TEAD1: variants seen among roughly 807,000 people sequenced by gnomAD.
TEAD1 encodes TEA domain transcription factor 1, also known as transcriptional enhancer factor TEF-1.
Under a neutral mutation model 54.9 loss-of-function variants are expected in TEAD1, and 9 were observed. The ratio of observed to expected loss-of-function variants is 0.16; its 90% CI spans 0.10 to 0.29. TEAD1 has a LOEUF of 0.29. TEAD1 is among the 10% of genes least tolerant of loss of function. The probability of loss-of-function intolerance (pLI) is 1.00; values close to 1 mark genes in which losing one functional copy is unlikely to be tolerated. For missense variants in TEAD1, 387 were observed against 535.9 expected (o/e 0.72, Z 2.74); for synonymous variants, 200 against 187.8 (o/e 1.07, Z -0.53).
intron 3 of TEAD1, among the ~76,000 whole-genome samples, chr11:12,765,659 G>A (rs1009367505): frequency 6.6e-6 from 1 of 152,074 alleles, no homozygotes; most frequent in African/African-American, 2.4e-5. Flanking sequence ...CAACTTGGAT[G>A]ATGTAATGGA....
At chr11:12,802,905 C>T (rs1946090730) in intron 3 of TEAD1, among the ~76,000 whole-genome samples, 2 of 152,154 alleles carry the variant, frequency 1.3e-5, no homozygotes, top group Admixed American at 1.3e-4. Context: ...TAGCTTATCA[C>T]ACTGTTTACC....
At chr11:12,810,365 T>C (rs1210538507) in intron 3 of TEAD1, among the ~76,000 whole-genome samples, 5 of 152,120 alleles carry the variant, frequency 3.3e-5, no homozygotes, top group African/African-American at 4.8e-5. Context: ...TGTCCGGATG[T>C]ATGGACGCTG....
chr11:12,876,035 AC>A (rs1256714232), intron 5 of TEAD1, among the ~76,000 whole-genome samples: 41 of 152,140 alleles, frequency 2.7e-4, no homozygotes, highest in African/African-American at 9.9e-4. Context: ...GTCTCCGGAC[AC>A]CCCAGTGGGT....
intron 3 of TEAD1, among the ~76,000 whole-genome samples, chr11:12,776,170 G>A (rs1256748788): frequency 2.6e-5 from 4 of 152,164 alleles, no homozygotes; most frequent in Non-Finnish European, 4.4e-5. Context: ...ACATTGGTCC[G>A]GGACTTCAAC....
At chr11:12,760,824 T>G (rs1366576674) in intron 2 of TEAD1, among the ~76,000 whole-genome samples, 4 of 151,928 alleles carry the variant, frequency 2.6e-5, no homozygotes, top group African/African-American at 9.7e-5. Context: ...GGGGATGGAG[T>G]GCCAGGATGG....
intron 3 of TEAD1, among the ~76,000 whole-genome samples, chr11:12,775,318 C>T (rs1945395449): frequency 6.6e-6 from 1 of 152,150 alleles, no homozygotes; most frequent in African/African-American, 2.4e-5. Flanking sequence ...AGGCCTCCCT[C>T]ACAGTGGCCC....
chr11:12,770,076 A>T (rs140668958), intron 3 of TEAD1, among the ~76,000 whole-genome samples: 77 of 152,312 alleles, frequency 5.1e-4, no homozygotes, highest in African/African-American at 1.6e-3. Flanking sequence ...AGTTGAAGAG[A>T]TAGAAAAGAT....
chr11:12,685,205 T>G (rs976417617), intron 2 of TEAD1, among the ~76,000 whole-genome samples: 2 of 152,238 alleles, frequency 1.3e-5, no homozygotes, highest in African/African-American at 4.8e-5. Context: ...ACATGTGTGC[T>G]AATTAATCTG....
intron 3 of TEAD1, among the ~76,000 whole-genome samples, chr11:12,840,668 G>C (rs952518623): frequency 6.6e-6 from 1 of 152,086 alleles, no homozygotes; most frequent in Non-Finnish European, 1.5e-5. Context: ...ATCTTCTCTC[G>C]AGGCTGAAGG....
At chr11:12,729,133 C>T (rs1334582133) in intron 2 of TEAD1, among the ~76,000 whole-genome samples, 2 of 152,188 alleles carry the variant, frequency 1.3e-5, no homozygotes, top group Admixed American at 6.5e-5. Context: ...GTACCTCACA[C>T]AATGTAGGAA....
intron 3 of TEAD1, among the ~76,000 whole-genome samples, chr11:12,776,328 G>A (rs901623522): frequency 7.2e-5 from 11 of 152,274 alleles, no homozygotes; most frequent in African/African-American, 2.6e-4. Flanking sequence ...GGCTCACACC[G>A]CAAATAGAAT....
chr11:12,836,407 G>T (rs960684792), intron 3 of TEAD1, among the ~76,000 whole-genome samples: 6 of 140,120 alleles, frequency 4.3e-5, no homozygotes, highest in African/African-American at 1.6e-4. Flanking sequence ...GTGACAGAGC[G>T]AGACTCCGTC....
At chr11:12,783,135 C>A (rs868048316) in intron 3 of TEAD1, among the ~76,000 whole-genome samples, 134 of 104,796 alleles carry the variant, frequency 1.3e-3, no homozygotes, top group Non-Finnish European at 1.5e-3. Flanking sequence ...TGTGTGTGTG[C>A]GCGCACTTTC....
chr11:12,830,267 C>G (rs1176043795), intron 3 of TEAD1, among the ~76,000 whole-genome samples: 2 of 152,036 alleles, frequency 1.3e-5, no homozygotes, highest in African/African-American at 4.8e-5. Flanking sequence ...GATACCTGAC[C>G]TACGAAGATC....
intron 9 of TEAD1, among the ~76,000 whole-genome samples, chr11:12,890,198 A>G (rs940437974): frequency 3.9e-5 from 6 of 152,112 alleles, no homozygotes; most frequent in Admixed American, 3.3e-4. Flanking sequence ...GTTTACCACC[A>G]CTCTGTATTC....
chr11:12,887,934 A>G (rs1948123825), intron 9 of TEAD1, among the ~76,000 whole-genome samples: 1 of 152,212 alleles, frequency 6.6e-6, no homozygotes, highest in Admixed American at 6.5e-5. Flanking sequence ...ACATGTACAT[A>G]TGTTTCCCCC....
chr11:12,855,322 G>A (rs574037958), intron 3 of TEAD1, among the ~76,000 whole-genome samples: 2 of 150,306 alleles, frequency 1.3e-5, no homozygotes, highest in East Asian at 2.0e-4. Flanking sequence ...ACGGAGTCTC[G>A]CTCTGTCATC....
chr11:12,690,630 A>G (rs1943439319), intron 2 of TEAD1, among the ~76,000 whole-genome samples: 1 of 152,234 alleles, frequency 6.6e-6, no homozygotes, highest in African/African-American at 2.4e-5. Context: ...TTTCATAGCT[A>G]GTATTCTACC....
intron 2 of TEAD1, among the ~76,000 whole-genome samples, chr11:12,713,808 C>G (rs901405303): frequency 1.3e-5 from 2 of 152,068 alleles, no homozygotes; most frequent in Non-Finnish European, 2.9e-5. Flanking sequence ...CGTGTCAGCT[C>G]TCTCCTCTCA....
Sources: gnomAD v4.1 joint callset for allele counts (sites outside exome capture counted in the v4.1 genomes callset) on GRCh38, gnomAD v4.1.1 for gene constraint, MANE v1.5 for transcripts, NCBI Gene and HGNC (gene_info 2026-07-23, HGNC 2026-07-21) for gene names.